Variants in UGT2B17 observed in about 807,000 individuals in gnomAD.
The protein encoded by UGT2B17 is UDP glucuronosyltransferase family 2 member B17.
A neutral mutation model predicts 48.2 loss-of-function variants in UGT2B17; 21 were observed. The ratio of observed to expected loss-of-function variants is 0.44; its 90% CI spans 0.31 to 0.63. UGT2B17 has a LOEUF of 0.63. Ranked by LOEUF, UGT2B17 falls within the 20% of genes least tolerant of loss-of-function variation. The probability of loss-of-function intolerance (pLI) is 0.08; values close to 1 mark genes in which losing one functional copy is unlikely to be tolerated. For synonymous variants in UGT2B17, 146 were observed against 238.4 expected, an observed-to-expected ratio of 0.61 and a Z score of 3.57; for missense variants, 402 against 696.1, an observed-to-expected ratio of 0.58 and a Z score of 4.75.
rs11732705 is a variant in UGT2B17, at chr4:68,558,319, T to A, written c.1005+2218A>T. Reference sequence around the variant, plus strand: ...GGACTGAATTCTAATTTTTCATGGCTACACGTCTTCAAAATAGTGTCTTCA... The same window carrying A: ...GGACTGAATTCTAATTTTTCATGGCAACACGTCTTCAAAATAGTGTCTTCA... On this transcript the variant is annotated intron_variant, in intron 4 of 6. Coordinates refer to ENST00000317746, the MANE Select transcript of UGT2B17 (RefSeq NM_001077.4). Among the ~76,000 whole-genome samples, 6 of 121,920 alleles carry A rather than the reference T, an allele frequency of 4.9e-5. 1 individual carries two copies. Among genetic ancestry groups the A allele is most frequent in the Admixed American group, 2.6e-4 (3 of 11,670 alleles). 80.0% of individuals were successfully genotyped at this position (121,920 alleles called of 152,430 possible).
At chr4:68,574,783 A>T (rs1308292996) in intron 1 of UGT2B17, among the ~76,000 whole-genome samples, 1 of 126,276 alleles carries the variant, frequency 7.9e-6, no homozygotes, top group Non-Finnish European at 1.7e-5. Flanking sequence ...TTTGCATAAA[A>T]TTTTTTATAA....
Position 68,537,463 on chromosome 4 carries a change from G to T in UGT2B17, c.*162C>A. ...TTGACATAGAATAATTCCAACTAAA[G>T]TACATATTAAATTCCTGGAAAATAA... is the stretch of plus-strand genomic sequence containing the variant. On this transcript the variant is annotated 3_prime_UTR_variant, in exon 7 of 7. Coordinates refer to ENST00000317746, the MANE Select transcript of UGT2B17 (RefSeq NM_001077.4). The T allele has an allele frequency of 1.7e-6, 1 of 578,038 alleles. No homozygotes were observed. Among genetic ancestry groups the T allele is most frequent in the Non-Finnish European group, 2.4e-6 (1 of 411,192 alleles). 35.8% of individuals were successfully genotyped at this position (578,038 alleles called of 1,614,324 possible).
At position 68,568,215 on chromosome 4, in the gene UGT2B17, A is replaced by G. The variant is rs1243649682; in HGVS notation, c.270T>C (p.Phe90=). The G allele has an allele frequency of 5.8e-6, 8 of 1,371,984 alleles. 2 individuals carry two copies. In the African/African-American group the frequency reaches 1.2e-4, roughly 20 times the overall value. 85.0% of individuals were successfully genotyped at this position (1,371,984 alleles called of 1,614,324 possible). A position where few individuals can be genotyped will look rare whatever the true frequency, so the allele number is the denominator to read the frequency against. ...ATGTCCATCTATCGAACATTTTCAT[A>G]AAAAAATCTTCCAAATCATTTTTAG... ...SLTKNDLEDF[F]MKMFDRWTYS... The change falls in exon 2 of 7, where the codon TTT becomes TTC. Residue 90 remains phenylalanine, a synonymous_variant. Coordinates refer to ENST00000317746, the MANE Select transcript of UGT2B17 (RefSeq NM_001077.4).
intron 6 of UGT2B17, among the ~76,000 whole-genome samples, chr4:68,540,196 C>T (rs10028532): frequency 0.56 from 69,964 of 125,338 alleles, 27,363 homozygotes; most frequent in Middle Eastern, 0.82. Flanking sequence ...CACACACACA[C>T]ATATAACACA....
chr4:68,565,571 C>T lies in UGT2B17; in HGVS notation c.873+1G>A. ...AACAAATGAAACAAGAATATGTTCA[C>T]CTTAGGCAAGGGTTTGGCTGGTTTA... On this transcript the variant is annotated splice_donor_variant, in intron 3 of 6. Coordinates refer to ENST00000317746, the MANE Select transcript of UGT2B17 (RefSeq NM_001077.4). LOFTEE classifies it high-confidence loss of function. 1 of 1,367,038 alleles carries T rather than the reference C, an allele frequency of 7.3e-7. No homozygotes were observed. The highest frequency in any genetic ancestry group is 9.5e-7 in the Non-Finnish European group (1 of 1,049,014). 84.7% of individuals were successfully genotyped at this position (1,367,038 alleles called of 1,614,324 possible).
chr4:68,554,487 A>C (rs1730967905), intron 4 of UGT2B17, among the ~76,000 whole-genome samples: 1 of 125,432 alleles, frequency 8.0e-6, no homozygotes. Flanking sequence ...TTTTCTATTA[A>C]GTTAAAAACC....
intron 6 of UGT2B17, among the ~76,000 whole-genome samples, chr4:68,540,687 G>T (rs1418564707): frequency 7.9e-6 from 1 of 126,028 alleles, no homozygotes; most frequent in African/African-American, 2.7e-5. Context: ...GAATGTGTGG[G>T]TTTGTTACAT....
chr4:68,563,693 T>A (rs568084722), intron 3 of UGT2B17, among the ~76,000 whole-genome samples: 2 of 126,806 alleles, frequency 1.6e-5, no homozygotes, highest in Admixed American at 1.6e-4. Context: ...AGTGAGGATT[T>A]TTTTTTGAGA....
rs1437775985 is a variant in UGT2B17, at chr4:68,564,122, A to G, written c.873+1450T>C. On this transcript the variant is annotated intron_variant, in intron 3 of 6. Transcript: ENST00000317746. ...TGCCTAAACTCATGTAAAAGTTCCT[A>G]AATATTCTTTACATTGTACAAAGTT... Among the ~76,000 whole-genome samples, 2 of 122,944 alleles carry G rather than the reference A, an allele frequency of 1.6e-5. 1 individual carries two copies. Among genetic ancestry groups the G allele is most frequent in the Non-Finnish European group, 3.4e-5 (2 of 58,884 alleles). The allele number at this position is 122,944 out of a possible 152,430, so 80.7% of individuals were successfully genotyped here. A position where few individuals can be genotyped will look rare whatever the true frequency, so the allele number is the denominator to read the frequency against.
At chr4:68,547,622 A>G (rs1211610561) in intron 6 of UGT2B17, among the ~76,000 whole-genome samples, 1 of 126,346 alleles carries the variant, frequency 7.9e-6, no homozygotes, top group Non-Finnish European at 1.7e-5. Flanking sequence ...GGAAACTACC[A>G]TCAGATTGAA....
intron 1 of UGT2B17, among the ~76,000 whole-genome samples, chr4:68,571,187 AT>A (rs1213826424): frequency 1.6e-5 from 2 of 124,770 alleles, no homozygotes; most frequent in African/African-American, 5.5e-5. Context: ...GTATTGTATG[AT>A]TTTTTTCAGG....
In UGT2B17 at chr4:68,537,911, GATAAAT is replaced by G; in HGVS notation, c.1314-13_1314-8del. 6 of 1,331,276 alleles carry G rather than the reference GATAAAT, an allele frequency of 4.5e-6. 2 individuals carry two copies. The highest frequency in any genetic ancestry group is 5.9e-6 in the Non-Finnish European group (6 of 1,024,468). The allele number at this position is 1,331,276 out of a possible 1,614,324, so 82.5% of individuals were successfully genotyped here. ...CATGATATTCTCTTTATAGCTGAAG[GATAAAT>G]ATAAAGATATCAACATTAAAAGTAA... On this transcript the variant is annotated splice_region_variant and splice_polypyrimidine_tract_variant and intron_variant, in intron 6 of 6. Transcript: ENST00000317746.
chr4:68,572,159 A>T (rs983189877), intron 1 of UGT2B17, among the ~76,000 whole-genome samples: 2 of 124,746 alleles, frequency 1.6e-5, no homozygotes, highest in Non-Finnish European at 3.4e-5. Context: ...AGATATACTT[A>T]TTTTTTTTAC....
rs1428293906 is a variant in UGT2B17 at position 68,566,073 on chromosome 4, T to C, written c.725-353A>G. 2.5e-5 allele frequency among the ~76,000 whole-genome samples: 3 copies of C among 118,982 alleles called. 1 individual carries two copies. The highest frequency in any genetic ancestry group is 5.6e-5 in the African/African-American group (2 of 35,522). The allele number at this position is 118,982 out of a possible 152,430, so 78.1% of individuals were successfully genotyped here. A position where few individuals can be genotyped will look rare whatever the true frequency, so the allele number is the denominator to read the frequency against. ...AATTTTATTAATTTTATTTTATTAATAAAACATTAATAAAGTTAATAAAAT... is the reference window on the plus strand; with the variant it reads ...AATTTTATTAATTTTATTTTATTAACAAAACATTAATAAAGTTAATAAAAT... On this transcript the variant is annotated intron_variant, in intron 2 of 6. Coordinates refer to ENST00000317746, the MANE Select transcript of UGT2B17 (RefSeq NM_001077.4).
Position 68,537,696 on chromosome 4 carries a change from T to C in UGT2B17, c.1522A>G (p.Met508Val). 2 of 1,378,662 alleles carry C rather than the reference T, an allele frequency of 1.5e-6. 1 individual carries two copies. The highest frequency in any genetic ancestry group is 2.9e-5 in the African/African-American group (2 of 67,934). 85.4% of individuals were successfully genotyped at this position (1,378,662 alleles called of 1,614,324 possible). Residue 508 changes from methionine (M) to valine (V), a missense_variant, in exon 7 of 7, where the codon ATG (methionine) becomes GTG (valine). By Grantham distance (21) the Met-to-Val change is conservative (BLOSUM62 1). Transcript: ENST00000317746. Reference protein sequence around the residue: ...LLACVATMIFMITKCCLFCFR... With the variant: ...LLACVATMIFVITKCCLFCFR... ...CAAAACAGGCAACATTTTGTGATCA[T>C]AAATATCATAGTTGCCACGCAGGCC... is the stretch of plus-strand genomic sequence containing the variant.
In UGT2B17 at chr4:68,568,747, C is replaced by T. The variant is rs1394542483; in HGVS notation, c.-64-199G>A. On this transcript the variant is annotated intron_variant, in intron 1 of 6. Coordinates refer to ENST00000317746, the MANE Select transcript of UGT2B17 (RefSeq NM_001077.4). ...TAAGAACAGTGGCAGGTGAGAGGCTCCTGCCTGTTCGGTGCCCTTGACATA... is the reference window on the plus strand; with the variant it reads ...TAAGAACAGTGGCAGGTGAGAGGCTTCTGCCTGTTCGGTGCCCTTGACATA... Among the ~76,000 whole-genome samples, 8 of 126,466 alleles carry T rather than the reference C, an allele frequency of 6.3e-5. 1 individual carries two copies. The highest frequency in any genetic ancestry group is 2.2e-4 in the African/African-American group (8 of 36,774). The allele number at this position is 126,466 out of a possible 152,430, so 83.0% of individuals were successfully genotyped here.
Position 68,546,481 on chromosome 4 carries a change from C to T in UGT2B17, c.1313+4196G>A, listed in dbSNP as rs1358378750. ...CACAGCAAATATCATGTTGAATGGG[C>T]AAAAGGTGGAAGCATTCCCTTTGAA... On this transcript the variant is annotated intron_variant, in intron 6 of 6. Coordinates refer to ENST00000317746, the MANE Select transcript of UGT2B17 (RefSeq NM_001077.4). Among the ~76,000 whole-genome samples, 7 of 126,214 alleles carry T rather than the reference C, an allele frequency of 5.5e-5. 2 individuals are homozygous for T. In the East Asian group the frequency reaches 3.0e-3, roughly 55 times the overall value. The allele number at this position is 126,214 out of a possible 152,430, so 82.8% of individuals were successfully genotyped here. A position where few individuals can be genotyped will look rare whatever the true frequency, so the allele number is the denominator to read the frequency against.
At chr4:68,548,666 T>C (rs1395803011) in intron 6 of UGT2B17, among the ~76,000 whole-genome samples, 1 of 125,528 alleles carries the variant, frequency 8.0e-6, no homozygotes, top group Non-Finnish European at 1.7e-5. Context: ...GTTTGTGTCC[T>C]CTCTTAATTC....
chr4:68,563,499 A>G (rs898482644), intron 3 of UGT2B17, among the ~76,000 whole-genome samples: 1 of 126,412 alleles, frequency 7.9e-6, no homozygotes, highest in Non-Finnish European at 1.7e-5. Context: ...AATCCCAGCT[A>G]CTTGGGAGTC....
Sources: gnomAD v4.1 joint callset for allele counts (sites outside exome capture counted in the v4.1 genomes callset) on GRCh38, gnomAD v4.1.1 for gene constraint, MANE v1.5 for transcripts, NCBI Gene and HGNC (gene_info 2026-07-23, HGNC 2026-07-21) for gene names.